Variants in HEPH observed in about 807,000 individuals in gnomAD.
HEPH encodes the protein hephaestin.
HEPH carries 69 observed loss-of-function variants against 80.8 expected under a neutral mutation model. The observed-to-expected ratio is 0.85, with a 90% CI of 0.70 to 1.04. HEPH has a LOEUF of 1.04. Among genes scored for constraint, HEPH ranks in the 50% least tolerant of loss-of-function variants. The pLI, the probability that HEPH is intolerant of heterozygous loss-of-function variation, is 0.00. For missense variants in HEPH, 1,115 were observed against 891.3 expected (o/e 1.25, Z -3.20); for synonymous variants, 431 against 322.8 (o/e 1.34, Z -3.60).
intron 15 of HEPH, among the ~76,000 whole-genome samples, chrX:66,210,314 C>T (rs2089041546): frequency 8.9e-6 from 1 of 111,748 alleles, no homozygotes; most frequent in African/African-American, 3.2e-5. Context: ...GGGAAAGAAG[C>T]TATATTAGAA....
At chrX:66,199,130 C>A in intron 11 of HEPH, 102 bp downstream of exon 11, 2 of 841,011 alleles carry the variant, frequency 2.4e-6, no homozygotes, top group South Asian at 2.4e-5. Flanking sequence ...TTTTATTGGT[C>A]ATCTCTGTCC....
At chrX:66,221,551 GC>G (rs2089648001) in intron 15 of HEPH, among the ~76,000 whole-genome samples, 2 of 112,530 alleles carry the variant, frequency 1.8e-5, no homozygotes, top group Non-Finnish European at 3.8e-5. Context: ...AGACATGGGG[GC>G]CAGACTTTGG....
intron 15 of HEPH, among the ~76,000 whole-genome samples, chrX:66,239,456 C>T (rs1197436431): frequency 2.7e-5 from 3 of 112,233 alleles, no homozygotes; most frequent in Non-Finnish European, 5.6e-5. Flanking sequence ...TGTGTCTGGT[C>T]AGCCACTTTA....
At chrX:66,207,550 A>G (rs1480469236) in intron 14 of HEPH, among the ~76,000 whole-genome samples, 1 of 112,059 alleles carries the variant, frequency 8.9e-6, no homozygotes, top group Non-Finnish European at 1.9e-5. Context: ...TGGGTTTTCT[A>G]TAGCTTCAAG....
At chrX:66,193,114 G>T (rs779194006) in intron 7 of HEPH, among the ~76,000 whole-genome samples, 1 of 110,864 alleles carries the variant, frequency 9.0e-6, no homozygotes, top group African/African-American at 3.3e-5. Flanking sequence ...TGGAGTGAAA[G>T]GATTATTAAT....
chrX:66,223,705 TA>T (rs1172842098), intron 15 of HEPH, among the ~76,000 whole-genome samples: 3 of 111,827 alleles, frequency 2.7e-5, no homozygotes, highest in African/African-American at 9.8e-5. Flanking sequence ...ATTAACATTT[TA>T]AAACTTGCCA....
intron 12 of HEPH, 101 bp downstream of exon 12, chrX:66,200,853 T>G (rs773841245): frequency 1.7e-4 from 104 of 623,290 alleles, no homozygotes; most frequent in Non-Finnish European, 2.5e-4. Flanking sequence ...AATAGGCATG[T>G]TAAGGGTTCT....
Position 66,263,500 on chromosome X carries a change from C to A in HEPH, c.3200-144C>A, listed in dbSNP as rs2091430556. On this transcript the variant is annotated intron_variant, in intron 19 of 20. Transcript: ENST00000343002. Reference sequence around the variant, plus strand: ...ATCAACATACCAATATTGACTTGGACTATAAAGTAGTAAATTCTGCCTTTA... The same window carrying A: ...ATCAACATACCAATATTGACTTGGAATATAAAGTAGTAAATTCTGCCTTTA... 2.0e-5 allele frequency: 11 copies of A among 544,554 alleles called. No homozygotes were observed. The South Asian group carries it at 3.0e-4, about 15-fold the overall frequency. 44.9% of individuals were successfully genotyped at this position (544,554 alleles called of 1,213,427 possible). A position where few individuals can be genotyped will look rare whatever the true frequency, so the allele number is the denominator to read the frequency against.
intron 1 of HEPH, among the ~76,000 whole-genome samples, chrX:66,165,386 A>G (rs1380017799): frequency 9.0e-6 from 1 of 111,632 alleles, no homozygotes; most frequent in African/African-American, 3.3e-5. Context: ...GTGAATTTTG[A>G]TGGAGGGTTT....
At chrX:66,196,564 T>A (rs1049052939) in intron 9 of HEPH, among the ~76,000 whole-genome samples, 1 of 111,764 alleles carries the variant, frequency 8.9e-6, no homozygotes, top group Non-Finnish European at 1.9e-5. Context: ...GTTGGGGAAT[T>A]GCTATATCAG....
chrX:66,188,247 T>C, intron 4 of HEPH, 112 bp from the exon 5 acceptor site: 1 of 539,664 alleles, frequency 1.9e-6, no homozygotes, highest in Non-Finnish European at 2.9e-6. Flanking sequence ...TTTCTGTTGC[T>C]TACAGATTCT....
intron 1 of HEPH, chrX:66,169,975 G>C (rs1417000926): frequency 9.0e-6 from 1 of 111,648 alleles, no homozygotes; most frequent in African/African-American, 3.3e-5. Context: ...GTTGTAGTTT[G>C]TTCATTATTA....
At chrX:66,170,822 C>T (rs1191568202) in intron 2 of HEPH, 85 bp downstream of exon 2, 3 of 854,853 alleles carry the variant, frequency 3.5e-6, no homozygotes, top group South Asian at 4.9e-5. Context: ...GCCCCTTTCC[C>T]AGGGTGTGGT....
At chrX:66,207,158 T>G (rs1569335198) in intron 13 of HEPH, 37 bp from the exon 14 acceptor site, 2 of 1,186,950 alleles carry the variant, frequency 1.7e-6, no homozygotes. Flanking sequence ...GAGGGGTTGA[T>G]GGCCAGGTGC....
intron 9 of HEPH, among the ~76,000 whole-genome samples, chrX:66,196,467 G>A (rs893724160): frequency 3.6e-5 from 4 of 111,940 alleles, no homozygotes; most frequent in African/African-American, 1.3e-4. Context: ...CTAAATTATA[G>A]CCCCTTGTTA....
chrX:66,259,003 C>A (rs2091270777), intron 18 of HEPH, 24 bp downstream of exon 18: 2 of 1,184,484 alleles, frequency 1.7e-6, no homozygotes, highest in Non-Finnish European at 2.3e-6. Context: ...TGGGCTGAGT[C>A]CCTCAAGGAT....
rs143789909 is a variant in HEPH at position 66,215,887 on chromosome X, C to T, written c.2563+7641C>T. 4.4e-3 allele frequency among the ~76,000 whole-genome samples: 496 copies of T among 112,438 alleles called. 5 individuals are homozygous for T. Among genetic ancestry groups the T allele is most frequent in the Admixed American group, 6.8e-3 (73 of 10,669 alleles). ...CAACTACCTGGAAATAAACTCAGTG[C>T]TGTTGGGGAGGCATGGTGCAATTGA... On this transcript the variant is annotated intron_variant, in intron 15 of 20. Coordinates refer to ENST00000343002, the MANE Select transcript of HEPH (RefSeq NM_001367233.3).
In HEPH at chrX:66,220,527, C is replaced by T. The variant is rs759578921; in HGVS notation, c.2563+12281C>T. Among the ~76,000 whole-genome samples, 5 of 111,621 alleles carry T rather than the reference C, an allele frequency of 4.5e-5. No homozygotes were observed. In the South Asian group the frequency reaches 1.9e-3, roughly 43 times the overall value. On this transcript the variant is annotated intron_variant, in intron 15 of 20. Transcript: ENST00000343002. ...TCCTTTTCTGAAGGTGGACAGCATC[C>T]TTTTTATTTTTTATCCAAGTAGCCT... is the stretch of plus-strand genomic sequence containing the variant.
At chrX:66,218,653 C>T (rs1023626834) in intron 15 of HEPH, among the ~76,000 whole-genome samples, 5 of 111,080 alleles carry the variant, frequency 4.5e-5, no homozygotes, top group African/African-American at 1.6e-4. Flanking sequence ...TTCCAACAAC[C>T]GAGCTCCCTG....
Sources: allele counts gnomAD v4.1 joint callset (sites outside exome capture counted in the v4.1 genomes callset), GRCh38; gene constraint gnomAD v4.1.1; transcripts MANE v1.5; gene names NCBI Gene and HGNC (gene_info 2026-07-23, HGNC 2026-07-21).